EYA1: variants seen among roughly 807,000 people sequenced by gnomAD.
EYA1 encodes EYA transcriptional coactivator and phosphatase 1.
Under a neutral mutation model 82.0 loss-of-function variants are expected in EYA1, and 16 were observed. That is an observed-to-expected ratio of 0.20 (90% CI 0.13 to 0.30). The LOEUF (loss-of-function observed/expected upper bound fraction) is 0.30. EYA1 is among the 10% of genes least tolerant of loss of function. EYA1 has a pLI of 1.00. For synonymous variants in EYA1, 261 were observed against 264.4 expected, an observed-to-expected ratio of 0.99 and a Z score of 0.12; for missense variants, 633 against 730.7, an observed-to-expected ratio of 0.87 and a Z score of 1.54.
intron 2 of EYA1, among the ~76,000 whole-genome samples, chr8:71,493,328 C>T (rs1353356095): frequency 6.6e-6 from 1 of 152,222 alleles, no homozygotes; most frequent in East Asian, 1.9e-4. Context: ...GTTCTTTCTT[C>T]CACTTGCCAG....
At chr8:71,470,887 G>A (rs959809260) in intron 2 of EYA1, 2 of 455,372 alleles carry the variant, frequency 4.4e-6, no homozygotes, top group Non-Finnish European at 8.8e-6. Context: ...CTGCTGCTGT[G>A]GTTGCTCCAA....
chr8:71,391,585 G>A (rs369206828), intron 2 of EYA1, among the ~76,000 whole-genome samples: 1 of 152,252 alleles, frequency 6.6e-6, no homozygotes, highest in East Asian at 1.9e-4. Flanking sequence ...TATGGAGAAC[G>A]TTGATTTTTA....
intron 2 of EYA1, among the ~76,000 whole-genome samples, chr8:71,495,185 T>G (rs938996353): frequency 3.9e-5 from 6 of 152,248 alleles, no homozygotes; most frequent in African/African-American, 1.4e-4. Flanking sequence ...AGATAATTCT[T>G]TCTTGCAATA....
chr8:71,546,106 G>A (rs1444662011), intron 1 of EYA1, among the ~76,000 whole-genome samples: 4 of 152,182 alleles, frequency 2.6e-5, no homozygotes, highest in South Asian at 2.1e-4. Context: ...TGCCCCTAGT[G>A]CCAACAACTC....
At chr8:71,542,192 A>T (rs905078429) in intron 1 of EYA1, among the ~76,000 whole-genome samples, 1 of 151,958 alleles carries the variant, frequency 6.6e-6, no homozygotes, top group Non-Finnish European at 1.5e-5. Flanking sequence ...CCCATCAGTC[A>T]TTTTTCCTGA....
At chr8:71,511,734 T>A (rs1361850577) in intron 2 of EYA1, among the ~76,000 whole-genome samples, 1 of 152,212 alleles carries the variant, frequency 6.6e-6, no homozygotes, top group East Asian at 1.9e-4. Context: ...GTGGTCACTG[T>A]TGTTTATGTT....
intron 1 of EYA1, among the ~76,000 whole-genome samples, chr8:71,358,289 T>G (rs1827081027): frequency 6.6e-6 from 1 of 152,208 alleles, no homozygotes; most frequent in Non-Finnish European, 1.5e-5. Flanking sequence ...CTACCACATT[T>G]CAGTGAAAAC....
intron 2 of EYA1, among the ~76,000 whole-genome samples, chr8:71,440,219 A>G (rs2129169779): frequency 6.6e-6 from 1 of 152,328 alleles, no homozygotes; most frequent in Non-Finnish European, 1.5e-5. Context: ...CCAAATCACA[A>G]AAGGCCCTAT....
intron 2 of EYA1, chr8:71,470,719 T>A (rs1386661466): frequency 6.1e-6 from 2 of 330,216 alleles, no homozygotes; most frequent in Non-Finnish European, 1.2e-5. Context: ...ATGTTTTTCC[T>A]AAACACTCAA....
At chr8:71,458,653 G>C (rs975942397) in intron 2 of EYA1, among the ~76,000 whole-genome samples, 3 of 152,132 alleles carry the variant, frequency 2.0e-5, no homozygotes, top group African/African-American at 7.2e-5. Flanking sequence ...GCAAGAAAGT[G>C]ATGTTAAAAG....
intron 11 of EYA1, among the ~76,000 whole-genome samples, chr8:71,262,501 T>C (rs1815253064): frequency 6.6e-6 from 1 of 152,196 alleles, no homozygotes; most frequent in Non-Finnish European, 1.5e-5. Flanking sequence ...GTTCACATTG[T>C]TCCCCTAACA....
chr8:71,340,333 AG>A (rs1468919869), intron 3 of EYA1, among the ~76,000 whole-genome samples: 8 of 152,194 alleles, frequency 5.3e-5, no homozygotes, highest in African/African-American at 1.9e-4. Context: ...AGAATACAAG[AG>A]TACTGAAAAA....
At chr8:71,367,173 T>A (rs2129085501) in intron 2 of EYA1, among the ~76,000 whole-genome samples, 1 of 152,314 alleles carries the variant, frequency 6.6e-6, no homozygotes, top group South Asian at 2.1e-4. Flanking sequence ...ACTTATTATT[T>A]ATATTAAAAA....
At chr8:71,308,739 C>T (rs942531628) in intron 7 of EYA1, among the ~76,000 whole-genome samples, 1 of 121,020 alleles carries the variant, frequency 8.3e-6, no homozygotes, top group African/African-American at 3.2e-5. Flanking sequence ...AAAGGAGTAA[C>T]AAGTAGGTCA....
chr8:71,457,458 G>A (rs190056763), intron 2 of EYA1, among the ~76,000 whole-genome samples: 217 of 152,096 alleles, frequency 1.4e-3, no homozygotes, highest in African/African-American at 4.1e-3. Context: ...AGACACGTGC[G>A]CACGTATGTT....
chr8:71,234,865 T>G (rs1396984978), intron 12 of EYA1, among the ~76,000 whole-genome samples: 1 of 152,116 alleles, frequency 6.6e-6, no homozygotes, highest in Non-Finnish European at 1.5e-5. Flanking sequence ...AATATGTATT[T>G]CATACTTAAT....
At chr8:71,200,987 A>AAAT (rs1422207605) in intron 17 of EYA1, among the ~76,000 whole-genome samples, 3 of 146,726 alleles carry the variant, frequency 2.0e-5, no homozygotes, top group African/African-American at 7.6e-5. Flanking sequence ...GCGGGACAGA[A>AAAT]AATAATGGAG....
At chr8:71,384,203 A>G (rs933589323) in intron 2 of EYA1, among the ~76,000 whole-genome samples, 10 of 152,192 alleles carry the variant, frequency 6.6e-5, no homozygotes, top group African/African-American at 2.2e-4. Context: ...TGTTGCTTAC[A>G]TTATCAGCCT....
intron 9 of EYA1, 145 bp downstream of exon 9, chr8:71,298,902 C>T: frequency 8.8e-6 from 6 of 682,232 alleles, no homozygotes; most frequent in South Asian, 3.4e-5. Context: ...AAATGAATGC[C>T]ACAGTCATGC....
Sources: gnomAD v4.1 joint callset for allele counts (sites outside exome capture counted in the v4.1 genomes callset) on GRCh38, gnomAD v4.1.1 for gene constraint, MANE v1.5 for transcripts, NCBI Gene and HGNC (gene_info 2026-07-23, HGNC 2026-07-21) for gene names.